The following GRM7 variants were observed in gnomAD, a reference collection of about 807,000 sequenced individuals.
GRM7 encodes the protein glutamate metabotropic receptor 7.
In GRM7, 35 loss-of-function variants were observed where a neutral mutation model predicts 84.5. The observed-to-expected ratio is 0.41, with a 90% CI of 0.32 to 0.55. The LOEUF is 0.55. Among genes scored for constraint, GRM7 ranks in the 20% least tolerant of loss-of-function variants. GRM7 has a pLI of 0.19. For missense variants in GRM7, 1,003 were observed against 1,194.6 expected (o/e 0.84, Z 2.36); for synonymous variants, 487 against 455.1 (o/e 1.07, Z -0.89).
intron 1 of GRM7, among the ~76,000 whole-genome samples, chr3:6,941,506 T>A (rs903915595): frequency 1.3e-5 from 2 of 152,228 alleles, no homozygotes; most frequent in African/African-American, 4.8e-5. Context: ...AAATTGAGGA[T>A]GAAGAACAAA....
At chr3:7,093,303 G>A (rs1453168136) in intron 1 of GRM7, among the ~76,000 whole-genome samples, 1 of 151,872 alleles carries the variant, frequency 6.6e-6, no homozygotes, top group Non-Finnish European at 1.5e-5. Context: ...AGTATTACTG[G>A]CTTCATGACG....
rs181832758 is a variant in GRM7, at chr3:7,067,980, A to G, written c.520-78472A>G. 3.6e-3 allele frequency among the ~76,000 whole-genome samples: 548 copies of G among 152,114 alleles called. 2 individuals are homozygous for G. Among genetic ancestry groups the G allele is most frequent in the Non-Finnish European group, 5.6e-3 (382 of 67,974 alleles). ...TGCATCCCAGCCGAATATTCAGAAC[A>G]ACTATTCAGAACAACTGCCATCCTG... On this transcript the variant is annotated intron_variant, in intron 1 of 9. Transcript: ENST00000357716.
chr3:7,180,433 T>C (rs1386726079), intron 2 of GRM7, among the ~76,000 whole-genome samples: 1 of 152,184 alleles, frequency 6.6e-6, no homozygotes. Context: ...CCCGCAGTAT[T>C]AGACTGGCTG....
At chr3:6,890,179 C>T (rs1695876067) in intron 1 of GRM7, among the ~76,000 whole-genome samples, 1 of 152,124 alleles carries the variant, frequency 6.6e-6, no homozygotes, top group African/African-American at 2.4e-5. Flanking sequence ...TTTCAAAAAA[C>T]CAGCTCCTAG....
At chr3:7,210,810 T>C (rs1696399196) in intron 2 of GRM7, among the ~76,000 whole-genome samples, 2 of 152,086 alleles carry the variant, frequency 1.3e-5, no homozygotes, top group African/African-American at 4.8e-5. Context: ...TGTTTTTTTT[T>C]TTTTTTGAGG....
At chr3:7,588,441 G>C (rs1004557708) in intron 8 of GRM7, among the ~76,000 whole-genome samples, 1 of 152,134 alleles carries the variant, frequency 6.6e-6, no homozygotes, top group African/African-American at 2.4e-5. Context: ...TGGCCATAAA[G>C]TTTTCAGGTC....
intron 7 of GRM7, among the ~76,000 whole-genome samples, chr3:7,548,658 C>G (rs1341842862): frequency 6.6e-6 from 1 of 152,136 alleles, no homozygotes; most frequent in African/African-American, 2.4e-5. Flanking sequence ...GTTTTTGGTT[C>G]TTCTTCCAAT....
At chr3:7,364,268 C>T (rs186525332) in intron 4 of GRM7, among the ~76,000 whole-genome samples, 14 of 151,914 alleles carry the variant, frequency 9.2e-5, no homozygotes, top group Non-Finnish European at 1.8e-4. Context: ...TTCAATGACT[C>T]CTTTACCCCA....
chr3:7,580,821 C>A (rs1291299434), intron 8 of GRM7, among the ~76,000 whole-genome samples: 1 of 151,696 alleles, frequency 6.6e-6, no homozygotes, highest in Non-Finnish European at 1.5e-5. Context: ...CATTTTATTT[C>A]TTCTGTGTAT....
intron 7 of GRM7, among the ~76,000 whole-genome samples, chr3:7,528,121 G>A (rs1392542317): frequency 6.6e-6 from 1 of 151,990 alleles, no homozygotes; most frequent in Non-Finnish European, 1.5e-5. Context: ...TGTACATCTG[G>A]TGGGATTCAG....
At chr3:7,229,942 C>G (rs1575059585) in intron 2 of GRM7, among the ~76,000 whole-genome samples, 1 of 146,912 alleles carries the variant, frequency 6.8e-6, no homozygotes, top group Non-Finnish European at 1.5e-5. Context: ...CGGGTTCACG[C>G]CATTCTCCTG....
chr3:7,475,769 A>G (rs554029322), intron 7 of GRM7, among the ~76,000 whole-genome samples: 15 of 152,352 alleles, frequency 9.8e-5, no homozygotes, highest in Middle Eastern at 3.4e-3. Context: ...CAAGCATCTT[A>G]TTAGGCATAT....
rs143978962 is a variant in GRM7, at chr3:6,981,009, A to G, written c.519+119102A>G. On this transcript the variant is annotated intron_variant, in intron 1 of 9. Coordinates refer to ENST00000357716, the MANE Select transcript of GRM7 (RefSeq NM_000844.4). ...AGGAACTAAACTTTATCTTTAGCCT[A>G]CCTTGAGGAAGAACCAAGGTAGAGG... 2.5e-3 allele frequency among the ~76,000 whole-genome samples: 374 copies of G among 152,294 alleles called. 5 individuals carry two copies. Among genetic ancestry groups the G allele is most frequent in the African/African-American group, 8.0e-3 (331 of 41,558 alleles).
At chr3:6,912,258 G>C (rs372394660) in intron 1 of GRM7, among the ~76,000 whole-genome samples, 1 of 152,132 alleles carries the variant, frequency 6.6e-6, no homozygotes, top group African/African-American at 2.4e-5. Flanking sequence ...CTTCACTACA[G>C]GACTTCTAAG....
intron 4 of GRM7, among the ~76,000 whole-genome samples, chr3:7,344,846 G>C (rs1374907522): frequency 2.0e-5 from 3 of 152,076 alleles, no homozygotes; most frequent in Non-Finnish European, 2.9e-5. Flanking sequence ...ACAAGTTCTG[G>C]TGTTCTGTTG....
chr3:7,466,813 T>G (rs1374329591), intron 7 of GRM7, among the ~76,000 whole-genome samples: 4 of 152,290 alleles, frequency 2.6e-5, no homozygotes, highest in Non-Finnish European at 4.4e-5. Flanking sequence ...TTTCTGATCT[T>G]CTGAGGTATA....
intron 8 of GRM7, among the ~76,000 whole-genome samples, chr3:7,656,655 G>T (rs1469337582): frequency 6.6e-6 from 1 of 151,812 alleles, no homozygotes. Context: ...GTCTCTCTGG[G>T]AACATCAGCA....
chr3:7,338,836 T>C (rs549288763), intron 4 of GRM7, among the ~76,000 whole-genome samples: 93 of 152,176 alleles, frequency 6.1e-4, no homozygotes, highest in Non-Finnish European at 1.1e-3. Flanking sequence ...TTTGGTTTCA[T>C]GATAATAGAA....
chr3:7,678,444 G>A (rs954841279), intron 8 of GRM7, among the ~76,000 whole-genome samples: 2 of 152,084 alleles, frequency 1.3e-5, no homozygotes, highest in African/African-American at 2.4e-5. Context: ...TCATAAGTAC[G>A]GTGACAGTGG....
Sources: allele counts gnomAD v4.1 joint callset (sites outside exome capture counted in the v4.1 genomes callset), GRCh38; gene constraint gnomAD v4.1.1; transcripts MANE v1.5; gene names NCBI Gene and HGNC (gene_info 2026-07-23, HGNC 2026-07-21).